Variants in GNAQ observed in about 807,000 individuals in gnomAD.
GNAQ encodes G protein subunit alpha q.
Under a neutral mutation model 43.9 loss-of-function variants are expected in GNAQ, and 8 were observed. That is an observed-to-expected ratio of 0.18 (90% confidence interval 0.11 to 0.33). The LOEUF (loss-of-function observed/expected upper bound fraction) is 0.33. GNAQ is among the 10% of genes least tolerant of loss of function. GNAQ has a pLI of 1.00. For synonymous variants in GNAQ, 155 were observed against 170.7 expected, an observed-to-expected ratio of 0.91 and a Z score of 0.71; for missense variants, 158 against 450.8, an observed-to-expected ratio of 0.35 and a Z score of 5.88.
chr9:77,943,282 TA>T (rs778159011), intron 1 of GNAQ, among the ~76,000 whole-genome samples: 51 of 152,320 alleles, frequency 3.3e-4, no homozygotes, highest in Admixed American at 7.8e-4. Context: ...AAAGCCAAGC[TA>T]CAAACCACAA....
chr9:77,831,420 A>G (rs1376417858), intron 2 of GNAQ, among the ~76,000 whole-genome samples: 1 of 152,226 alleles, frequency 6.6e-6, no homozygotes, highest in Non-Finnish European at 1.5e-5. Flanking sequence ...ATTTCCACCC[A>G]TGCAATTTAA....
At chr9:77,909,980 T>C (rs1828773424) in intron 2 of GNAQ, among the ~76,000 whole-genome samples, 1 of 152,154 alleles carries the variant, frequency 6.6e-6, no homozygotes. Context: ...CTTGTACTAA[T>C]GAAAATCATG....
intron 2 of GNAQ, among the ~76,000 whole-genome samples, chr9:77,828,003 T>C (rs1250649636): frequency 1.5e-5 from 2 of 129,184 alleles, no homozygotes; most frequent in African/African-American, 6.0e-5. Flanking sequence ...GAGCTTGCAG[T>C]GAGCCGAGAT....
intron 5 of GNAQ, among the ~76,000 whole-genome samples, chr9:77,770,214 A>G (rs1826201907): frequency 6.6e-6 from 1 of 152,228 alleles, no homozygotes; most frequent in Admixed American, 6.5e-5. Context: ...GTTTACAATT[A>G]TAGGGTTTTT....
intron 1 of GNAQ, among the ~76,000 whole-genome samples, chr9:77,925,315 T>G (rs575222858): frequency 4.6e-5 from 7 of 152,302 alleles, no homozygotes; most frequent in Non-Finnish European, 1.0e-4. Context: ...CTATAAATCT[T>G]TTATTTATAA....
chr9:77,985,018 A>G (rs1347947844), intron 1 of GNAQ, among the ~76,000 whole-genome samples: 1 of 152,148 alleles, frequency 6.6e-6, no homozygotes, highest in African/African-American at 2.4e-5. Context: ...TGGTTTTCAA[A>G]AGAGTTTGTG....
At chr9:77,928,992 T>C (rs1044833125) in intron 1 of GNAQ, among the ~76,000 whole-genome samples, 1 of 152,184 alleles carries the variant, frequency 6.6e-6, no homozygotes, top group Non-Finnish European at 1.5e-5. Flanking sequence ...CACTTCATCC[T>C]GGGCAAGAGT....
At chr9:77,918,650 T>C (rs1391343923) in intron 2 of GNAQ, among the ~76,000 whole-genome samples, 2 of 152,192 alleles carry the variant, frequency 1.3e-5, no homozygotes, top group African/African-American at 2.4e-5. Context: ...TCAAGCTAAA[T>C]TGGCAGATTT....
chr9:77,810,901 T>C (rs1211900905), intron 3 of GNAQ, among the ~76,000 whole-genome samples: 1 of 152,194 alleles, frequency 6.6e-6, no homozygotes, highest in Non-Finnish European at 1.5e-5. Context: ...TGGGCAAGGC[T>C]TTCAGAAAGG....
intron 2 of GNAQ, among the ~76,000 whole-genome samples, chr9:77,832,802 A>G (rs1289305626): frequency 6.6e-6 from 1 of 152,072 alleles, no homozygotes; most frequent in African/African-American, 2.4e-5. Flanking sequence ...TTCACTGCAC[A>G]AGGCCCTAAT....
At chr9:78,019,904 A>T (rs1234478072) in intron 1 of GNAQ, among the ~76,000 whole-genome samples, 3 of 145,058 alleles carry the variant, frequency 2.1e-5, no homozygotes, top group Non-Finnish European at 4.5e-5. Context: ...AGCCTGGGTG[A>T]CAGAGTGAGA....
chr9:78,014,256 C>T (rs1251895348), intron 1 of GNAQ, among the ~76,000 whole-genome samples: 1 of 151,982 alleles, frequency 6.6e-6, no homozygotes, highest in Non-Finnish European at 1.5e-5. Flanking sequence ...TAACATTATT[C>T]ATCATACATC....
At chr9:77,725,258 A>T (rs1010730424) in intron 6 of GNAQ, among the ~76,000 whole-genome samples, 1 of 152,204 alleles carries the variant, frequency 6.6e-6, no homozygotes, top group Admixed American at 6.5e-5. Flanking sequence ...CTCTATGAAC[A>T]ATCTTGCAAT....
intron 1 of GNAQ, among the ~76,000 whole-genome samples, chr9:77,957,317 T>C (rs934527203): frequency 5.3e-5 from 8 of 151,890 alleles, no homozygotes; most frequent in African/African-American, 1.7e-4. Flanking sequence ...GATTCCGCCA[T>C]TGCACTCCAG....
At chr9:77,877,680 T>G (rs1361104713) in intron 2 of GNAQ, among the ~76,000 whole-genome samples, 1 of 152,162 alleles carries the variant, frequency 6.6e-6, no homozygotes, top group Non-Finnish European at 1.5e-5. Context: ...AATAACTAAT[T>G]CATAAGAATT....
intron 1 of GNAQ, among the ~76,000 whole-genome samples, chr9:77,987,240 T>C (rs1823451993): frequency 6.6e-6 from 1 of 152,134 alleles, no homozygotes; most frequent in African/African-American, 2.4e-5. Context: ...AAAGTGTCAA[T>C]ATTATCTTGA....
chr9:77,786,819 C>T (rs1826488866), intron 5 of GNAQ, among the ~76,000 whole-genome samples: 1 of 152,182 alleles, frequency 6.6e-6, no homozygotes, highest in African/African-American at 2.4e-5. Flanking sequence ...GCTTGTAATA[C>T]TACTACTAGG....
At chr9:77,855,598 G>A (rs1051573050) in intron 2 of GNAQ, among the ~76,000 whole-genome samples, 7 of 151,910 alleles carry the variant, frequency 4.6e-5, no homozygotes, top group South Asian at 2.1e-4. Flanking sequence ...TAAAAACCCC[G>A]TAATTAAACA....
chr9:77,897,253 C>G (rs567178861), intron 2 of GNAQ, among the ~76,000 whole-genome samples: 1 of 152,284 alleles, frequency 6.6e-6, no homozygotes, highest in South Asian at 2.1e-4. Flanking sequence ...TTTTCTTTGT[C>G]AGGGATTTTA....
Sources: gnomAD v4.1 joint callset for allele counts (sites outside exome capture counted in the v4.1 genomes callset) on GRCh38, gnomAD v4.1.1 for gene constraint, MANE v1.5 for transcripts, NCBI Gene and HGNC (gene_info 2026-07-23, HGNC 2026-07-21) for gene names.